CIROZ: variants seen among roughly 807,000 people sequenced by gnomAD.
CIROZ encodes ciliated left-right organizer protein containing ZP-N domains.
chr1:10,980,012 G>A, the CIROZ span, among the ~76,000 whole-genome samples: 55,062 of 152,092 alleles, frequency 0.36, 12,920 homozygotes, highest in African/African-American at 0.67. Context: ...TCACCATTGC[G>A]CTCCAGCCTG....
chr1:10,962,626 G>A, the CIROZ span, among the ~76,000 whole-genome samples: 5 of 152,128 alleles, frequency 3.3e-5, no homozygotes, highest in African/African-American at 1.2e-4. Flanking sequence ...AGCATCCCCA[G>A]CCCCCACCAT....
At chr1:10,951,745 A>AAAAAAAAAAATATATAT in the CIROZ span, among the ~76,000 whole-genome samples, 51 of 119,164 alleles carry the variant, frequency 4.3e-4, no homozygotes, top group African/African-American at 1.7e-3. Context: ...AAAAAAAAAA[A>AAAAAAAAAAATATATAT]ATATATATAT....
chr1:10,975,321 G>A, the CIROZ span, among the ~76,000 whole-genome samples: 4 of 150,274 alleles, frequency 2.7e-5, no homozygotes, highest in African/African-American at 4.9e-5. Context: ...CAGGAGAATC[G>A]CTTCAACCCG....
At chr1:10,978,770 TAGTC>T in the CIROZ span, among the ~76,000 whole-genome samples, 4 of 151,938 alleles carry the variant, frequency 2.6e-5, no homozygotes, top group Admixed American at 1.3e-4. Flanking sequence ...GCAGAGGAAA[TAGTC>T]AGTGCACAGC....
chr1:10,949,548 C>G, the CIROZ span: 20 of 1,513,724 alleles, frequency 1.3e-5, no homozygotes, highest in African/African-American at 1.9e-4. Flanking sequence ...TCAGGCCCAG[C>G]TGGGTCTACC....
the CIROZ span, among the ~76,000 whole-genome samples, chr1:10,951,156 G>A: frequency 0.074 from 11,237 of 152,134 alleles, 682 homozygotes; most frequent in African/African-American, 0.17. Flanking sequence ...AAAACAGGCC[G>A]GGCACAGTGG....
At chr1:10,950,320 C>T in the CIROZ span, among the ~76,000 whole-genome samples, 2 of 152,152 alleles carry the variant, frequency 1.3e-5, no homozygotes, top group Non-Finnish European at 2.9e-5. Context: ...CAGGAGTGAG[C>T]CACCACGACT....
the CIROZ span, chr1:10,954,180 G>A: frequency 8.8e-6 from 14 of 1,595,374 alleles, no homozygotes; most frequent in Non-Finnish European, 1.0e-5. Flanking sequence ...CATTGGCTGG[G>A]CGCAGTGGCT....
the CIROZ span, chr1:10,955,119 T>A: frequency 4.3e-6 from 7 of 1,613,922 alleles, no homozygotes; most frequent in Non-Finnish European, 5.9e-6. Flanking sequence ...TGTAGGAACC[T>A]CTTTTGACTA....
At chr1:10,975,463 C>T in the CIROZ span, among the ~76,000 whole-genome samples, 1 of 149,478 alleles carries the variant, frequency 6.7e-6, no homozygotes, top group South Asian at 2.1e-4. Context: ...GTGGTGCACA[C>T]CTGTAGTCCC....
the CIROZ span, among the ~76,000 whole-genome samples, chr1:10,955,395 C>A: frequency 6.6e-6 from 1 of 152,134 alleles, no homozygotes; most frequent in Non-Finnish European, 1.5e-5. Context: ...AAAAAAAGAC[C>A]ATTCCCAAAC....
the CIROZ span, among the ~76,000 whole-genome samples, chr1:10,961,038 A>T: frequency 6.6e-6 from 1 of 152,160 alleles, no homozygotes; most frequent in Non-Finnish European, 1.5e-5. Flanking sequence ...CGGTCAGTGA[A>T]GGATGCCAGG....
chr1:10,957,222 C>A, the CIROZ span: 1 of 772,804 alleles, frequency 1.3e-6, no homozygotes, highest in Non-Finnish European at 2.0e-6. Context: ...ACTAAAGCCC[C>A]AAGTGTTACA....
At chr1:10,975,283 A>G in the CIROZ span, among the ~76,000 whole-genome samples, 6 of 151,888 alleles carry the variant, frequency 4.0e-5, no homozygotes, top group African/African-American at 1.5e-4. Flanking sequence ...GCTCATGCCT[A>G]TAATCCCAGC....
At chr1:10,947,368 C>A in the CIROZ span, among the ~76,000 whole-genome samples, 1 of 152,232 alleles carries the variant, frequency 6.6e-6, no homozygotes, top group Non-Finnish European at 1.5e-5. Flanking sequence ...GAGGTCCATG[C>A]AGGCAGACGG....
chr1:10,951,113 C>G, the CIROZ span, among the ~76,000 whole-genome samples: 8 of 152,198 alleles, frequency 5.3e-5, no homozygotes, highest in South Asian at 2.1e-4. Flanking sequence ...CCCCGAGAGG[C>G]ATTTCCATCA....
At chr1:10,961,835 G>A in the CIROZ span, among the ~76,000 whole-genome samples, 1 of 152,112 alleles carries the variant, frequency 6.6e-6, no homozygotes, top group Non-Finnish European at 1.5e-5. Flanking sequence ...ACTGGTGGTG[G>A]CGCATGCCTG....
chr1:10,956,954 G>A, the CIROZ span: 5 of 1,364,386 alleles, frequency 3.7e-6, no homozygotes, highest in Middle Eastern at 1.8e-4. Flanking sequence ...GTGCCCAGAG[G>A]AGGGAGAAAA....
At chr1:10,957,821 G>A in the CIROZ span, 35 of 1,527,184 alleles carry the variant, frequency 2.3e-5, no homozygotes, top group Non-Finnish European at 1.8e-6. Context: ...GTTACGGAGA[G>A]GGGACACTTG....
Sources: gnomAD v4.1 joint callset for allele counts (sites outside exome capture counted in the v4.1 genomes callset) on GRCh38, gnomAD v4.1.1 for gene constraint, MANE v1.5 for transcripts, NCBI Gene and HGNC (gene_info 2026-07-23, HGNC 2026-07-21) for gene names.